TENT2: variants seen among roughly 807,000 people sequenced by gnomAD.
TENT2 encodes the protein poly(A) RNA polymerase GLD2.
TENT2 carries 44 observed loss-of-function variants against 72.2 expected under a neutral mutation model. The observed-to-expected ratio is 0.61, with a 90% CI of 0.48 to 0.78. The LOEUF (loss-of-function observed/expected upper bound fraction) is 0.78. Ranked by LOEUF, TENT2 falls within the 30% of genes least tolerant of loss-of-function variation. The pLI is 0.00. For synonymous variants in TENT2, 212 were observed against 192.5 expected, an observed-to-expected ratio of 1.10 and a Z score of -0.84; for missense variants, 541 against 569.6, an observed-to-expected ratio of 0.95 and a Z score of 0.51.
intron 10 of TENT2, among the ~76,000 whole-genome samples, chr5:79,653,661 C>T (rs1170681976): frequency 6.6e-6 from 1 of 152,126 alleles, no homozygotes; most frequent in Non-Finnish European, 1.5e-5. Flanking sequence ...TCTTGAAGGA[C>T]ATTAGCTACC....
At chr5:79,681,764 AC>A (rs1822126131) in intron 13 of TENT2, 3 of 390,404 alleles carry the variant, frequency 7.7e-6, no homozygotes, top group Admixed American at 8.3e-5. Flanking sequence ...ATTTTTGATC[AC>A]CCTCTCCCTT....
chr5:79,667,844 T>A (rs551724359), intron 11 of TENT2, among the ~76,000 whole-genome samples: 1 of 150,724 alleles, frequency 6.6e-6, no homozygotes, highest in East Asian at 1.9e-4. Context: ...TATTTAGATG[T>A]CTTTAATTAC....
chr5:79,668,087 G>A (rs1048727881), intron 11 of TENT2, among the ~76,000 whole-genome samples: 1 of 151,988 alleles, frequency 6.6e-6, no homozygotes, highest in African/African-American at 2.4e-5. Flanking sequence ...AGTACATTTA[G>A]TATATTCGAG....
intron 4 of TENT2, among the ~76,000 whole-genome samples, chr5:79,638,831 T>G (rs1415341685): frequency 6.6e-6 from 1 of 152,218 alleles, no homozygotes; most frequent in Non-Finnish European, 1.5e-5. Flanking sequence ...TTCTCCTAGT[T>G]GCTCTGTCTT....
chr5:79,681,489 A>G (rs563258630), intron 13 of TENT2, among the ~76,000 whole-genome samples: 17 of 151,554 alleles, frequency 1.1e-4, no homozygotes, highest in Admixed American at 9.2e-4. Flanking sequence ...TAAACCATCC[A>G]CTTGGGCCAT....
chr5:79,643,786 G>T (rs1245707633), intron 7 of TENT2, among the ~76,000 whole-genome samples: 1 of 152,064 alleles, frequency 6.6e-6, no homozygotes, highest in African/African-American at 2.4e-5. Flanking sequence ...TAAAGATCAT[G>T]TAATTCACAT....
chr5:79,685,142 A>C, intron 14 of TENT2, 57 bp from the exon 15 acceptor site: 2 of 1,203,690 alleles, frequency 1.7e-6, no homozygotes, highest in East Asian at 2.4e-5. Flanking sequence ...TTAAACTCTC[A>C]GTCTTTTGTT....
chr5:79,647,185 ATTAAC>A (rs1025630138), intron 8 of TENT2, among the ~76,000 whole-genome samples: 17 of 152,300 alleles, frequency 1.1e-4, no homozygotes, highest in African/African-American at 2.2e-4. Context: ...ATAAATTGTC[ATTAAC>A]TTAACCATTC....
chr5:79,672,410 C>T (rs1055372164), intron 12 of TENT2, among the ~76,000 whole-genome samples: 50 of 152,212 alleles, frequency 3.3e-4, no homozygotes, highest in African/African-American at 1.1e-3. Flanking sequence ...ATATCTTATT[C>T]GTTCTATTTT....
At chr5:79,643,079 C>A (rs1332085362) in intron 7 of TENT2, 169 bp downstream of exon 7, 1 of 684,082 alleles carries the variant, frequency 1.5e-6, no homozygotes, top group Non-Finnish European at 1.8e-6. Flanking sequence ...GAAGAGTGAT[C>A]ATTTATTCAA....
chr5:79,665,141 G>A (rs1185761271), intron 11 of TENT2, among the ~76,000 whole-genome samples: 1 of 152,152 alleles, frequency 6.6e-6, no homozygotes, highest in Non-Finnish European at 1.5e-5. Context: ...GTATCACTTA[G>A]TTCTTTTTCT....
At chr5:79,648,580 C>T in intron 8 of TENT2, 37 bp from the exon 9 acceptor site, 1 of 1,403,932 alleles carries the variant, frequency 7.1e-7, no homozygotes, top group Non-Finnish European at 9.7e-7. Context: ...TGTTCTTCAG[C>T]TAAAGTTTAT....
intron 7 of TENT2, chr5:79,644,894 A>C (rs1209947841): frequency 2.4e-6 from 1 of 414,104 alleles, no homozygotes; most frequent in Admixed American, 4.2e-5. Flanking sequence ...TATAGATACT[A>C]TATTAGATCA....
At chr5:79,622,313 T>G (rs1360775342) in intron 3 of TENT2, among the ~76,000 whole-genome samples, 1 of 152,008 alleles carries the variant, frequency 6.6e-6, no homozygotes, top group East Asian at 1.9e-4. Flanking sequence ...AAAAAAAACC[T>G]TCTATGACCC....
intron 7 of TENT2, 72 bp from the exon 8 acceptor site, chr5:79,645,050 TA>T (rs869178830): frequency 1.6e-6 from 2 of 1,224,028 alleles, no homozygotes; most frequent in Non-Finnish European, 1.1e-6. Flanking sequence ...TACTATTTTT[TA>T]AAAAATGTGC....
intron 12 of TENT2, among the ~76,000 whole-genome samples, chr5:79,671,161 G>A (rs141635959): frequency 6.6e-6 from 1 of 152,162 alleles, no homozygotes; most frequent in Admixed American, 6.5e-5. Context: ...TAATATTAAA[G>A]GAAACTAGTC....
chr5:79,619,033 C>G (rs1762676627), intron 1 of TENT2, among the ~76,000 whole-genome samples: 1 of 152,172 alleles, frequency 6.6e-6, no homozygotes, highest in Admixed American at 6.5e-5. Flanking sequence ...CTACTCTCCT[C>G]CCTGGATCAG....
At chr5:79,640,151 G>C (rs950568728) in intron 4 of TENT2, among the ~76,000 whole-genome samples, 1 of 152,030 alleles carries the variant, frequency 6.6e-6, no homozygotes, top group East Asian at 1.9e-4. Flanking sequence ...AGCTACTTGG[G>C]ACGCTGAGGC....
At chr5:79,665,590 C>T (rs1243171821) in intron 11 of TENT2, among the ~76,000 whole-genome samples, 1 of 152,132 alleles carries the variant, frequency 6.6e-6, no homozygotes, top group East Asian at 1.9e-4. Flanking sequence ...GATTACGTGT[C>T]TTCTAAAGGA....
Sources: gnomAD v4.1 joint callset for allele counts (sites outside exome capture counted in the v4.1 genomes callset) on GRCh38, gnomAD v4.1.1 for gene constraint, MANE v1.5 for transcripts, NCBI Gene and HGNC (gene_info 2026-07-23, HGNC 2026-07-21) for gene names.